The following DGKG variants were observed in gnomAD, a reference collection of about 807,000 sequenced individuals.
The protein encoded by DGKG is diacylglycerol kinase gamma.
In DGKG, 78 loss-of-function variants were observed where a neutral mutation model predicts 105.3. The ratio of observed to expected loss-of-function variants is 0.74; its 90% CI spans 0.62 to 0.89. The LOEUF (loss-of-function observed/expected upper bound fraction) is 0.89. Ranked by LOEUF, DGKG falls within the 40% of genes least tolerant of loss-of-function variation. The pLI is 0.00. For missense variants in DGKG, 958 were observed against 1,020.1 expected, an observed-to-expected ratio of 0.94 and a Z score of 0.83; for synonymous variants, 346 against 367.1, an observed-to-expected ratio of 0.94 and a Z score of 0.66.
chr3:186,245,676 G>A (rs910088971), intron 19 of DGKG, among the ~76,000 whole-genome samples: 1 of 152,210 alleles, frequency 6.6e-6, no homozygotes, highest in African/African-American at 2.4e-5. Context: ...GTGGGGTGAA[G>A]AGGAGATGGT....
intron 24 of DGKG, chr3:186,161,346 G>A (rs1249218842): frequency 1.5e-6 from 2 of 1,336,974 alleles, no homozygotes; most frequent in Non-Finnish European, 9.6e-7. Flanking sequence ...GACTAGAACT[G>A]TGAACTCCTC....
chr3:186,350,892 C>A (rs527406599), intron 1 of DGKG, among the ~76,000 whole-genome samples: 2 of 152,198 alleles, frequency 1.3e-5, no homozygotes, highest in East Asian at 3.9e-4. Flanking sequence ...ATTCACATAT[C>A]CTTTTTTGAG....
At chr3:186,274,458 T>A (rs924294668) in intron 10 of DGKG, among the ~76,000 whole-genome samples, 18 of 152,254 alleles carry the variant, frequency 1.2e-4, no homozygotes, top group African/African-American at 4.3e-4. Flanking sequence ...TACATGTGTA[T>A]ACATATGCCA....
intron 5 of DGKG, 49 bp from the exon 6 acceptor site, chr3:186,288,929 A>ATATT (rs749934688): frequency 3.2e-5 from 48 of 1,484,576 alleles, no homozygotes; most frequent in Non-Finnish European, 3.4e-5. Context: ...TGTTTAGTAA[A>ATATT]TATTAACCCC....
At chr3:186,298,305 G>C (rs1229316938) in intron 3 of DGKG, 76 bp from the exon 4 acceptor site, 3 of 1,417,706 alleles carry the variant, frequency 2.1e-6, no homozygotes, top group African/African-American at 2.9e-5. Context: ...AAAAGGAATA[G>C]AAAAGCTGGC....
chr3:186,206,908 C>G (rs1338090950), intron 21 of DGKG, among the ~76,000 whole-genome samples: 1 of 152,128 alleles, frequency 6.6e-6, no homozygotes, highest in South Asian at 2.1e-4. Flanking sequence ...TGCCACCACA[C>G]CCAGCTAATT....
At chr3:186,264,172 G>A (rs1022487189) in intron 14 of DGKG, among the ~76,000 whole-genome samples, 1 of 152,224 alleles carries the variant, frequency 6.6e-6, no homozygotes, top group African/African-American at 2.4e-5. Context: ...ATGCGCCTGT[G>A]TGTGTTTCCC....
At chr3:186,225,522 A>G (rs1054850636) in intron 20 of DGKG, among the ~76,000 whole-genome samples, 2 of 152,204 alleles carry the variant, frequency 1.3e-5, no homozygotes, top group Non-Finnish European at 2.9e-5. Context: ...TTTGGCTTGC[A>G]TGGTGGTGTT....
chr3:186,253,342 C>T (rs1284108734), intron 17 of DGKG, among the ~76,000 whole-genome samples, 160 bp from the exon 18 acceptor site: 1 of 152,176 alleles, frequency 6.6e-6, no homozygotes, highest in Non-Finnish European at 1.5e-5. Flanking sequence ...GCCATCTATC[C>T]CATCTGCAGC....
At chr3:186,161,763 C>T (rs1189293332) in intron 23 of DGKG, 100 bp from the exon 24 acceptor site, 2 of 1,564,292 alleles carry the variant, frequency 1.3e-6, no homozygotes, top group Non-Finnish European at 1.7e-6. Context: ...CCTTATCTGC[C>T]TACCTAAGTG....
At chr3:186,339,820 C>T (rs1053050489) in intron 1 of DGKG, among the ~76,000 whole-genome samples, 5 of 152,218 alleles carry the variant, frequency 3.3e-5, no homozygotes, top group African/African-American at 1.2e-4. Context: ...AAAAGAGTAT[C>T]ACCCCAAGCT....
chr3:186,260,428 G>A lies in DGKG; in HGVS notation c.1424+11C>T. 1 of 1,593,520 alleles carries A rather than the reference G, an allele frequency of 6.3e-7. No homozygotes were observed. Among genetic ancestry groups the A allele is most frequent in the Non-Finnish European group, 8.6e-7 (1 of 1,161,452 alleles). ...GGGAGAAATAAGAGGTAAAGATTGT[G>A]ATCTCCATACCCTGGAGTAGGCCCC... On this transcript the variant is annotated intron_variant, in intron 16 of 24. Coordinates refer to ENST00000265022, the MANE Select transcript of DGKG (RefSeq NM_001346.3).
chr3:186,335,761 A>G (rs977017566), intron 1 of DGKG, among the ~76,000 whole-genome samples: 27 of 151,822 alleles, frequency 1.8e-4, no homozygotes, highest in Non-Finnish European at 3.5e-4. Context: ...TAAGAAAGCA[A>G]CTATGGACAG....
At position 186,267,667 on chromosome 3, in the gene DGKG, C is replaced by T. The variant is rs200933236; in HGVS notation, c.1209+18G>A. ...AACCCGGAGAAGCTACAGCCCTCGCCGGGGCAGGAGCACTTACCCGGGTGA... is the reference window on the plus strand; with the variant it reads ...AACCCGGAGAAGCTACAGCCCTCGCTGGGGCAGGAGCACTTACCCGGGTGA... On this transcript the variant is annotated intron_variant, in intron 13 of 24. Coordinates refer to ENST00000265022, the MANE Select transcript of DGKG (RefSeq NM_001346.3). 2.1e-4 allele frequency: 344 copies of T among 1,608,650 alleles called. No individual in the cohort carries two copies. The highest frequency in any genetic ancestry group is 4.0e-4 in the East Asian group (18 of 44,860).
intron 1 of DGKG, among the ~76,000 whole-genome samples, chr3:186,347,371 C>G (rs1020324608): frequency 1.3e-5 from 2 of 149,572 alleles, no homozygotes; most frequent in Non-Finnish European, 3.0e-5. Flanking sequence ...TTGCTTGAAC[C>G]CGGGAGGCAG....
intron 22 of DGKG, among the ~76,000 whole-genome samples, chr3:186,171,720 C>T (rs897790216): frequency 2.6e-5 from 4 of 152,188 alleles, no homozygotes; most frequent in Admixed American, 6.5e-5. Flanking sequence ...ACTGTACTTG[C>T]CCAGATTGTA....
At chr3:186,256,809 C>T (rs142635312) in intron 17 of DGKG, among the ~76,000 whole-genome samples, 267 of 152,354 alleles carry the variant, frequency 1.8e-3, no homozygotes, top group Non-Finnish European at 3.2e-3. Flanking sequence ...CTCAGGTATC[C>T]ACTTGACTCA....
At chr3:186,188,463 T>C (rs1426806019) in intron 21 of DGKG, 84 bp from the exon 22 acceptor site, 7 of 1,321,124 alleles carry the variant, frequency 5.3e-6, no homozygotes, top group Admixed American at 1.9e-5. Flanking sequence ...CGTGCGTGTG[T>C]GTGTGTGTAC....
At chr3:186,309,293 G>A (rs1463728225) in intron 2 of DGKG, among the ~76,000 whole-genome samples, 1 of 152,176 alleles carries the variant, frequency 6.6e-6, no homozygotes, top group Non-Finnish European at 1.5e-5. Context: ...GGGAGCAACG[G>A]TGCAGAGATG....
Sources: allele counts gnomAD v4.1 joint callset (sites outside exome capture counted in the v4.1 genomes callset), GRCh38; gene constraint gnomAD v4.1.1; transcripts MANE v1.5; gene names NCBI Gene and HGNC (gene_info 2026-07-23, HGNC 2026-07-21).